Variants in SPAG1 observed in about 807,000 individuals in gnomAD.
The protein encoded by SPAG1 is sperm associated antigen 1, also known as sperm-associated antigen 1.
A neutral mutation model predicts 100.5 loss-of-function variants in SPAG1; 69 were observed. The observed-to-expected ratio is 0.69, with a 90% CI of 0.57 to 0.84. The LOEUF is 0.84. Among genes scored for constraint, SPAG1 ranks in the 40% least tolerant of loss-of-function variants. The pLI, the probability that SPAG1 is intolerant of heterozygous loss-of-function variation, is 0.00. For missense variants in SPAG1, 955 were observed against 1,133.1 expected (o/e 0.84, Z 2.26); for synonymous variants, 336 against 411.6 (o/e 0.82, Z 2.22).
rs1204659739 is a variant in SPAG1 at position 100,213,094 on chromosome 8, C to T, written c.1101C>T (p.Pro367=). 2.7e-6 allele frequency: 4 copies of T among 1,470,722 alleles called. No homozygotes were observed. Among genetic ancestry groups the T allele is most frequent in the African/African-American group, 3.0e-5 (2 of 67,702 alleles). 91.1% of individuals were successfully genotyped at this position (1,470,722 alleles called of 1,614,324 possible). The change falls in exon 11 of 19, where the codon CCC becomes CCT. Residue 367 remains proline, a synonymous_variant. Coordinates refer to ENST00000388798, the MANE Select transcript of SPAG1 (RefSeq NM_003114.5). ...CCCGCATCCACTTCCTCACAGAGCC[C>T]GCGGAGCCGGCGGGAGCCGCGCGCG... is the stretch of plus-strand genomic sequence containing the variant. ...KHEDGGGDKK[P]AEPAGAARAA...
intron 3 of SPAG1, among the ~76,000 whole-genome samples, chr8:100,171,058 G>C (rs980803724): frequency 4.0e-5 from 6 of 151,892 alleles, no homozygotes; most frequent in African/African-American, 1.5e-4. Context: ...ATCATGAATG[G>C]GTTTTGAATT....
At chr8:100,195,237 G>A (rs1039237064) in intron 10 of SPAG1, among the ~76,000 whole-genome samples, 5 of 152,028 alleles carry the variant, frequency 3.3e-5, no homozygotes, top group African/African-American at 9.6e-5. Flanking sequence ...TGGCAGTGGC[G>A]GGGCAGTGGA....
intron 12 of SPAG1, among the ~76,000 whole-genome samples, chr8:100,216,931 C>CTTTTT (rs141365826): frequency 5.9e-5 from 5 of 84,150 alleles, no homozygotes; most frequent in Non-Finnish European, 8.5e-5. Flanking sequence ...TCCATGAGTT[C>CTTTTT]TTTTTTTTTT....
rs747233716 is a variant in SPAG1, at chr8:100,183,441, GT to G, written c.488+9del. ...GGATTACGCGGAATGGGATAAGTATGTTTTACATGTCTTTATATAAAATGTA... is the reference window on the plus strand; with the variant it reads ...GGATTACGCGGAATGGGATAAGTATGTTTACATGTCTTTATATAAAATGTA... On this transcript the variant is annotated splice_donor_region_variant and intron_variant, in intron 5 of 18. Coordinates refer to ENST00000388798, the MANE Select transcript of SPAG1 (RefSeq NM_003114.5). The G allele has an allele frequency of 3.5e-5, 49 of 1,416,684 alleles. No homozygotes were observed. Among genetic ancestry groups the G allele is most frequent in the Non-Finnish European group, 4.7e-5 (48 of 1,020,172 alleles). 87.8% of individuals were successfully genotyped at this position (1,416,684 alleles called of 1,614,324 possible). A position where few individuals can be genotyped will look rare whatever the true frequency, so the allele number is the denominator to read the frequency against.
chr8:100,159,233 A>C (rs538652979), intron 1 of SPAG1, among the ~76,000 whole-genome samples: 5 of 152,360 alleles, frequency 3.3e-5, no homozygotes, highest in Non-Finnish European at 5.9e-5. Flanking sequence ...TCTGGGCAGC[A>C]TCAATAATTT....
Position 100,239,453 on chromosome 8 carries a change from C to T in SPAG1, c.2280+49C>T, listed in dbSNP as rs772868121. ...AAAGTACTCCTTTGGGGACCTTAGA[C>T]TGGATTCTAAGGTCATATTCCTGTG... On this transcript the variant is annotated intron_variant, in intron 17 of 18. Transcript: ENST00000388798. The surrounding 1 kb of genome is among the most constrained non-coding windows in gnomAD (Gnocchi z 5.0). The T allele has an allele frequency of 3.4e-6, 4 of 1,171,942 alleles. No individual in the cohort carries two copies. The highest frequency in any genetic ancestry group is 5.1e-6 in the Non-Finnish European group (4 of 789,306). The allele number at this position is 1,171,942 out of a possible 1,614,324, so 72.6% of individuals were successfully genotyped here.
At chr8:100,222,960 C>CTG (rs1157416974) in intron 13 of SPAG1, among the ~76,000 whole-genome samples, 5 of 152,288 alleles carry the variant, frequency 3.3e-5, no homozygotes, top group Non-Finnish European at 7.3e-5. Flanking sequence ...CAACCACAAT[C>CTG]TGTGTTCTGT....
intron 10 of SPAG1, among the ~76,000 whole-genome samples, chr8:100,195,471 GA>G (rs1563788501): frequency 1.3e-5 from 2 of 152,134 alleles, no homozygotes; most frequent in Non-Finnish European, 1.5e-5. Flanking sequence ...CAAAGGAACA[GA>G]AAGGGAGGGA....
At chr8:100,168,384 C>T (rs1815656620) in intron 3 of SPAG1, among the ~76,000 whole-genome samples, 1 of 151,982 alleles carries the variant, frequency 6.6e-6, no homozygotes, top group African/African-American at 2.4e-5. Context: ...GCCTTGTGTT[C>T]TTATTGAGTT....
At chr8:100,206,052 A>AAAAAAAAAAAG in intron 10 of SPAG1, among the ~76,000 whole-genome samples, 1 of 132,704 alleles carries the variant, frequency 7.5e-6, no homozygotes, top group Non-Finnish European at 1.6e-5. Flanking sequence ...AAAAAAAAAA[A>AAAAAAAAAAAG]AAAGAAAGAT....
intron 7 of SPAG1, among the ~76,000 whole-genome samples, chr8:100,186,908 T>G (rs1490629472): frequency 1.3e-5 from 2 of 152,138 alleles, no homozygotes; most frequent in African/African-American, 4.8e-5. Flanking sequence ...ATGACTTCAT[T>G]TCACCTTAAT....
At chr8:100,232,135 A>G (rs1818801536) in intron 15 of SPAG1, among the ~76,000 whole-genome samples, 1 of 152,124 alleles carries the variant, frequency 6.6e-6, no homozygotes, top group Admixed American at 6.5e-5. Flanking sequence ...AGAATATTGG[A>G]CAAAAGATGT....
At position 100,233,546 on chromosome 8, in the gene SPAG1, ATCTTCAT is replaced by A. The variant is rs1818873336; in HGVS notation, c.2115+11_2115+17del. On this transcript the variant is annotated intron_variant, in intron 16 of 18. Transcript: ENST00000388798. ...CTCATAAAGGACTCAAGGTGAGGAA[ATCTTCAT>A]TTTAATGCATAAACTTCAGCTCTGA... 1 of 1,577,626 alleles carries A rather than the reference ATCTTCAT, an allele frequency of 6.3e-7. No individual in the cohort carries two copies. The highest frequency in any genetic ancestry group is 1.4e-5 in the African/African-American group (1 of 74,012).
intron 10 of SPAG1, among the ~76,000 whole-genome samples, chr8:100,210,602 A>G (rs1303860022): frequency 6.6e-6 from 1 of 151,866 alleles, no homozygotes; most frequent in Non-Finnish European, 1.5e-5. Context: ...TACACTGTAG[A>G]TTTTTCCTCT....
chr8:100,209,740 T>C (rs928553921), intron 10 of SPAG1, among the ~76,000 whole-genome samples: 16 of 152,172 alleles, frequency 1.1e-4, no homozygotes, highest in African/African-American at 3.9e-4. Context: ...TTTTATTCTT[T>C]TGGATGCTAT....
Position 100,241,782 on chromosome 8 carries a change from C to A in SPAG1, c.*760C>A, listed in dbSNP as rs1188449134. ...CCAAACATTTGAATGTCCCCCTTCC[C>A]CCTTTTTTGTTTTCTGCTTTTATGA... On this transcript the variant is annotated 3_prime_UTR_variant, in exon 19 of 19. Transcript: ENST00000388798. The surrounding 1 kb of genome is among the most constrained non-coding windows in gnomAD (Gnocchi z 5.1). 6.6e-6 allele frequency: 1 copy of A among 151,558 alleles called. No homozygotes were observed. Among genetic ancestry groups the A allele is most frequent in the Non-Finnish European group, 1.5e-5 (1 of 68,018 alleles). The allele number at this position is 151,558 out of a possible 1,614,324, so 9.4% of individuals were successfully genotyped here.
intron 16 of SPAG1, among the ~76,000 whole-genome samples, chr8:100,235,598 C>A (rs1017392179): frequency 7.6e-4 from 115 of 152,146 alleles, no homozygotes; most frequent in African/African-American, 2.7e-3. Flanking sequence ...AATTCCGTGC[C>A]CATGACTGAA....
intron 11 of SPAG1, 98 bp from the exon 12 acceptor site, chr8:100,213,721 A>C: frequency 1.3e-6 from 1 of 746,782 alleles, no homozygotes; most frequent in East Asian, 2.6e-5. Flanking sequence ...GCAGGACTGC[A>C]GTGCCACCCC....
At chr8:100,206,017 C>CAAAAAAAAAAAAAAAAAA (rs574907013) in intron 10 of SPAG1, among the ~76,000 whole-genome samples, 2 of 77,350 alleles carry the variant, frequency 2.6e-5, no homozygotes, top group African/African-American at 5.0e-5. Context: ...GACTCTGTCT[C>CAAAAAAAAAAAAAAAAAA]AAAAAAAAAA....
Sources: allele counts gnomAD v4.1 joint callset (sites outside exome capture counted in the v4.1 genomes callset), GRCh38; gene constraint gnomAD v4.1.1; non-coding constraint Gnocchi (gnomAD v3.1); transcripts MANE v1.5; gene names NCBI Gene and HGNC (gene_info 2026-07-23, HGNC 2026-07-21).